The following SPOCK3 variants were observed in gnomAD, a reference collection of about 807,000 sequenced individuals.
SPOCK3 encodes testican-3.
A neutral mutation model predicts 56.6 loss-of-function variants in SPOCK3; 30 were observed. The observed-to-expected ratio is 0.53, with a 90% CI of 0.40 to 0.72. The LOEUF is 0.72. SPOCK3 is among the 30% of genes least tolerant of loss of function. The probability of loss-of-function intolerance (pLI) is 0.00; values close to 1 mark genes in which losing one functional copy is unlikely to be tolerated. For synonymous variants in SPOCK3, 196 were observed against 183.3 expected, an observed-to-expected ratio of 1.07 and a Z score of -0.56; for missense variants, 527 against 530.0, an observed-to-expected ratio of 0.99 and a Z score of 0.06.
rs994236697 is a variant in SPOCK3, at chr4:167,014,048, C to T, written c.236-13585G>A. On this transcript the variant is annotated intron_variant, in intron 3 of 10. Coordinates refer to ENST00000357545, the MANE Select transcript of SPOCK3 (RefSeq NM_001040159.2). Reference sequence around the variant, plus strand: ...GGCACATAGAAAGCATTATATTTGGCCATTATCATTTGACTTTTGGTTGAT... The same window carrying T: ...GGCACATAGAAAGCATTATATTTGGTCATTATCATTTGACTTTTGGTTGAT... Among the ~76,000 whole-genome samples, 4 of 152,088 alleles carry T rather than the reference C, an allele frequency of 2.6e-5. No homozygotes were observed. In the South Asian group the frequency reaches 6.2e-4, roughly 24 times the overall value.
At chr4:167,134,186 G>T (rs1299545884) in intron 2 of SPOCK3, among the ~76,000 whole-genome samples, 1 of 147,546 alleles carries the variant, frequency 6.8e-6, no homozygotes, top group African/African-American at 2.6e-5. Context: ...GCGTCACTGA[G>T]CCTGGCTAGT....
At chr4:167,184,944 T>C (rs1731821235) in intron 2 of SPOCK3, among the ~76,000 whole-genome samples, 1 of 152,188 alleles carries the variant, frequency 6.6e-6, no homozygotes, top group African/African-American at 2.4e-5. Flanking sequence ...TGATATTCAA[T>C]TGTAAGTTGT....
At chr4:167,085,961 G>C (rs1758158556) in intron 2 of SPOCK3, among the ~76,000 whole-genome samples, 1 of 151,996 alleles carries the variant, frequency 6.6e-6, no homozygotes, top group Non-Finnish European at 1.5e-5. Flanking sequence ...AGATTACAAT[G>C]GTGATGTGGG....
At chr4:166,763,062 C>A (rs1737466837) in intron 7 of SPOCK3, among the ~76,000 whole-genome samples, 1 of 151,460 alleles carries the variant, frequency 6.6e-6, no homozygotes, top group Admixed American at 6.6e-5. Context: ...CAATTAACAT[C>A]AAGTAGCAGA....
At chr4:167,009,161 C>T (rs1227717684) in intron 3 of SPOCK3, among the ~76,000 whole-genome samples, 1 of 151,752 alleles carries the variant, frequency 6.6e-6, no homozygotes, top group African/African-American at 2.4e-5. Context: ...AAAATATTAA[C>T]AAACATCCAA....
At chr4:166,969,883 T>C (rs565551104) in intron 4 of SPOCK3, among the ~76,000 whole-genome samples, 12 of 152,186 alleles carry the variant, frequency 7.9e-5, no homozygotes, top group Non-Finnish European at 1.5e-4. Context: ...AGCAGCTTTA[T>C]GGGTAGTCTT....
chr4:166,856,448 T>C (rs1730676586), intron 6 of SPOCK3, among the ~76,000 whole-genome samples: 1 of 152,164 alleles, frequency 6.6e-6, no homozygotes, highest in Non-Finnish European at 1.5e-5. Context: ...CATAAATATA[T>C]GTAATTGTTA....
At chr4:167,173,632 G>A (rs942513996) in intron 2 of SPOCK3, among the ~76,000 whole-genome samples, 1 of 152,084 alleles carries the variant, frequency 6.6e-6, no homozygotes, top group Non-Finnish European at 1.5e-5. Flanking sequence ...TTACTGGCTT[G>A]AGCTTTCTTT....
At chr4:167,073,157 CATT>C (rs1362665825) in intron 2 of SPOCK3, among the ~76,000 whole-genome samples, 8 of 151,494 alleles carry the variant, frequency 5.3e-5, no homozygotes, top group African/African-American at 1.9e-4. Context: ...ATATTTATAA[CATT>C]ATCTTAGTGT....
intron 7 of SPOCK3, among the ~76,000 whole-genome samples, chr4:166,790,894 G>C (rs1741270593): frequency 6.6e-6 from 1 of 152,134 alleles, no homozygotes; most frequent in African/African-American, 2.4e-5. Context: ...TAAGGGTATG[G>C]AAGAAACCTT....
At chr4:167,069,458 A>T (rs1406140821) in intron 2 of SPOCK3, among the ~76,000 whole-genome samples, 1 of 151,990 alleles carries the variant, frequency 6.6e-6, no homozygotes, top group Non-Finnish European at 1.5e-5. Flanking sequence ...GAAAGTCAGA[A>T]CATGATATCA....
chr4:167,010,698 G>A (rs1159600677), intron 3 of SPOCK3, among the ~76,000 whole-genome samples: 1 of 151,962 alleles, frequency 6.6e-6, no homozygotes, highest in African/African-American at 2.4e-5. Flanking sequence ...AAAGTATACC[G>A]ACGGACCCAG....
intron 7 of SPOCK3, among the ~76,000 whole-genome samples, chr4:166,762,385 C>T (rs754895465): frequency 7.2e-5 from 11 of 152,040 alleles, no homozygotes; most frequent in African/African-American, 2.7e-4. Context: ...TTCTGGTGTG[C>T]CCTTGATCCA....
chr4:166,830,319 T>C (rs1745900883), intron 6 of SPOCK3, among the ~76,000 whole-genome samples: 2 of 152,252 alleles, frequency 1.3e-5, no homozygotes, highest in African/African-American at 4.8e-5. Context: ...ACTCTGAATA[T>C]AAGTCTAAAT....
intron 4 of SPOCK3, among the ~76,000 whole-genome samples, chr4:166,939,159 A>G (rs891690595): frequency 2.0e-5 from 3 of 152,168 alleles, no homozygotes; most frequent in Admixed American, 2.0e-4. Context: ...ACCCTCAGAA[A>G]GAAAGGATGG....
At chr4:166,779,055 C>CA (rs1475560896) in intron 7 of SPOCK3, among the ~76,000 whole-genome samples, 3 of 152,112 alleles carry the variant, frequency 2.0e-5, no homozygotes, top group Non-Finnish European at 2.9e-5. Context: ...CCACAGGCTT[C>CA]AATCACCTCT....
At chr4:166,767,599 T>A (rs1314178332) in intron 7 of SPOCK3, among the ~76,000 whole-genome samples, 1 of 152,228 alleles carries the variant, frequency 6.6e-6, no homozygotes, top group Non-Finnish European at 1.5e-5. Context: ...GAGGAGTGCT[T>A]TCCTTCCAAC....
intron 6 of SPOCK3, among the ~76,000 whole-genome samples, chr4:166,834,220 T>C (rs1181485831): frequency 1.3e-5 from 2 of 152,130 alleles, no homozygotes; most frequent in East Asian, 3.9e-4. Context: ...CAAACTCTCT[T>C]TGTTTCTGTG....
intron 4 of SPOCK3, among the ~76,000 whole-genome samples, chr4:166,931,342 G>A (rs910709767): frequency 4.0e-5 from 6 of 150,046 alleles, no homozygotes; most frequent in Admixed American, 2.0e-4. Context: ...GGGGGTGGGG[G>A]GGCAAGAAAA....
Sources: gnomAD v4.1 joint callset for allele counts (sites outside exome capture counted in the v4.1 genomes callset) on GRCh38, gnomAD v4.1.1 for gene constraint, MANE v1.5 for transcripts, NCBI Gene and HGNC (gene_info 2026-07-23, HGNC 2026-07-21) for gene names.